DLG1: variants seen among roughly 807,000 people sequenced by gnomAD.
DLG1 encodes disks large homolog 1.
In DLG1, 42 loss-of-function variants were observed where a neutral mutation model predicts 123.4. The ratio of observed to expected loss-of-function variants is 0.34; its 90% CI spans 0.27 to 0.44. The LOEUF (loss-of-function observed/expected upper bound fraction) is 0.44, where lower values mean the gene tolerates loss of function less well. Among genes scored for constraint, DLG1 ranks in the 20% least tolerant of loss-of-function variants. DLG1 has a pLI of 1.00. For synonymous variants in DLG1, 317 were observed against 356.2 expected, an observed-to-expected ratio of 0.89 and a Z score of 1.24; for missense variants, 942 against 1,082.6, an observed-to-expected ratio of 0.87 and a Z score of 1.82.
At chr3:197,120,966 T>C (rs1424516263) in intron 11 of DLG1, among the ~76,000 whole-genome samples, 11 of 152,192 alleles carry the variant, frequency 7.2e-5, no homozygotes, top group African/African-American at 1.2e-4. Context: ...CCTCAATCAA[T>C]AGATACCCAC....
intron 24 of DLG1, among the ~76,000 whole-genome samples, chr3:197,045,439 G>C (rs943895555): frequency 6.6e-6 from 1 of 152,028 alleles, no homozygotes; most frequent in Non-Finnish European, 1.5e-5. Context: ...AACTTTTTAA[G>C]AAAGAAAGAA....
At chr3:197,298,284 G>A (rs1022730614) in intron 1 of DLG1, 3 of 379,438 alleles carry the variant, frequency 7.9e-6, no homozygotes, top group African/African-American at 2.1e-5. Flanking sequence ...GGGAACGGAA[G>A]GGGTACCCGG....
intron 12 of DLG1, among the ~76,000 whole-genome samples, chr3:197,118,684 T>C (rs1228692862): frequency 1.3e-5 from 2 of 152,142 alleles, no homozygotes; most frequent in Admixed American, 1.3e-4. Context: ...TTGAATAATA[T>C]GAAAAAGATC....
intron 4 of DLG1, among the ~76,000 whole-genome samples, chr3:197,255,983 T>C (rs1462085989): frequency 6.6e-6 from 1 of 152,190 alleles, no homozygotes; most frequent in African/African-American, 2.4e-5. Flanking sequence ...TGAGGTACGA[T>C]ATCTGCAAAT....
intron 5 of DLG1, among the ~76,000 whole-genome samples, chr3:197,151,250 G>T (rs1793707592): frequency 1.3e-5 from 2 of 152,134 alleles, no homozygotes; most frequent in Non-Finnish European, 2.9e-5. Flanking sequence ...AGTTACAAAA[G>T]AAATTACATT....
intron 5 of DLG1, among the ~76,000 whole-genome samples, chr3:197,184,982 T>A (rs1310070562): frequency 6.6e-6 from 1 of 152,208 alleles, no homozygotes; most frequent in Non-Finnish European, 1.5e-5. Context: ...GGAATTTTTA[T>A]GTTTAAAATG....
Position 197,234,856 on chromosome 3 carries a change from C to CA in DLG1, c.319-40268dup, listed in dbSNP as rs535086026. ...AACATACATTGTATCTCCCTCATCC[C>CA]AAAAAGTCACGTCAAAAGTTATGTT... On this transcript the variant is annotated intron_variant, in intron 4 of 24. Transcript: ENST00000667157. 2.1e-4 allele frequency among the ~76,000 whole-genome samples: 32 copies of CA among 152,076 alleles called. No individual in the cohort carries two copies. The East Asian group carries it at 4.1e-3, about 19-fold the overall frequency.
intron 23 of DLG1, among the ~76,000 whole-genome samples, chr3:197,057,153 A>G (rs1732281419): frequency 6.6e-6 from 1 of 151,926 alleles, no homozygotes; most frequent in South Asian, 2.1e-4. Context: ...ATAGCTCACT[A>G]CAGCTTGGAC....
chr3:197,089,947 A>C (rs1222445707), intron 15 of DLG1, among the ~76,000 whole-genome samples: 2 of 152,214 alleles, frequency 1.3e-5, no homozygotes, highest in East Asian at 3.8e-4. Flanking sequence ...GAAAGAAGAA[A>C]GTGAGAAAGG....
chr3:197,235,063 A>G (rs1240229417), intron 4 of DLG1, among the ~76,000 whole-genome samples: 1 of 152,186 alleles, frequency 6.6e-6, no homozygotes. Context: ...TAGAAAAAAA[A>G]TACATGCCAC....
At chr3:197,296,031 C>T (rs1323834654) in intron 3 of DLG1, among the ~76,000 whole-genome samples, 4 of 152,198 alleles carry the variant, frequency 2.6e-5, no homozygotes, top group Non-Finnish European at 2.9e-5. Flanking sequence ...CAGTCAAATA[C>T]AGAAACAAGC....
In DLG1 at chr3:197,199,587, T is replaced by C. The variant is rs370651912; in HGVS notation, c.319-4998A>G. ...CCCAAGTGCTTTGGATAAAGGATGCTCAACCTGTAATTATTCAAAAAAGAG... is the reference window on the plus strand; with the variant it reads ...CCCAAGTGCTTTGGATAAAGGATGCCCAACCTGTAATTATTCAAAAAAGAG... On this transcript the variant is annotated intron_variant, in intron 4 of 24. Coordinates refer to ENST00000667157, the MANE Select transcript of DLG1 (RefSeq NM_001366207.1). 6.0e-4 allele frequency among the ~76,000 whole-genome samples: 91 copies of C among 152,284 alleles called. 1 individual carries two copies. The highest frequency in any genetic ancestry group is 2.1e-3 in the African/African-American group (86 of 41,568).
chr3:197,080,454 CTTT>C (rs35708797), intron 17 of DLG1: 1,074 of 97,484 alleles, frequency 0.011, 7 homozygotes, highest in Middle Eastern at 0.065. Context: ...AATTTTTTAC[CTTT>C]TTTTTTTTTT....
chr3:197,099,306 C>CA (rs1407818527), intron 14 of DLG1, among the ~76,000 whole-genome samples: 2 of 152,180 alleles, frequency 1.3e-5, no homozygotes, highest in African/African-American at 4.8e-5. Context: ...CTCAAGTGAT[C>CA]CTCTTGTCTC....
intron 4 of DLG1, among the ~76,000 whole-genome samples, chr3:197,206,456 T>C (rs749008802): frequency 2.0e-5 from 3 of 152,110 alleles, no homozygotes; most frequent in Admixed American, 1.3e-4. Flanking sequence ...CAAGCCACCA[T>C]GCCCAGCTAA....
intron 16 of DLG1, among the ~76,000 whole-genome samples, chr3:197,083,859 G>A (rs1031852386): frequency 5.3e-5 from 8 of 152,204 alleles, no homozygotes; most frequent in African/African-American, 1.9e-4. Flanking sequence ...CGCGCCTGGA[G>A]TCCCAGCTAC....
At chr3:197,097,580 C>CTT (rs3051908) in intron 14 of DLG1, among the ~76,000 whole-genome samples, 27,649 of 122,638 alleles carry the variant, frequency 0.23, 3,994 homozygotes, top group East Asian at 0.69. Context: ...TTTGTACTTT[C>CTT]TTTTTTTTTT....
chr3:197,139,894 A>G (rs1165257466), intron 8 of DLG1, among the ~76,000 whole-genome samples: 1 of 152,256 alleles, frequency 6.6e-6, no homozygotes, highest in Admixed American at 6.5e-5. Flanking sequence ...AAAGATTTAA[A>G]CCATCAACCA....
intron 11 of DLG1, among the ~76,000 whole-genome samples, chr3:197,123,375 T>C (rs544763678): frequency 1.3e-5 from 2 of 152,296 alleles, no homozygotes; most frequent in East Asian, 1.9e-4. Flanking sequence ...ATTAGAGTTA[T>C]TTCTCAAATA....
Sources: gnomAD v4.1 joint callset for allele counts (sites outside exome capture counted in the v4.1 genomes callset) on GRCh38, gnomAD v4.1.1 for gene constraint, MANE v1.5 for transcripts, NCBI Gene and HGNC (gene_info 2026-07-23, HGNC 2026-07-21) for gene names.